Variants in PTPRZ1 observed in about 807,000 individuals in gnomAD.
The protein encoded by PTPRZ1 is protein tyrosine phosphatase receptor type Z1.
PTPRZ1 carries 82 observed loss-of-function variants against 214.1 expected under a neutral mutation model. The observed-to-expected ratio is 0.38, with a 90% CI of 0.32 to 0.46. The LOEUF is 0.46. Ranked by LOEUF, PTPRZ1 falls within the 20% of genes least tolerant of loss-of-function variation. PTPRZ1 has a pLI of 1.00. For missense variants in PTPRZ1, 2,603 were observed against 2,748.7 expected (o/e 0.95, Z 1.19); for synonymous variants, 945 against 987.9 (o/e 0.96, Z 0.81).
At chr7:121,986,306 G>A (rs1403227857) in intron 8 of PTPRZ1, among the ~76,000 whole-genome samples, 1 of 152,182 alleles carries the variant, frequency 6.6e-6, no homozygotes, top group Non-Finnish European at 1.5e-5. Context: ...AGAAAGGAAT[G>A]GAGTCAGTAT....
At chr7:121,953,917 T>TG (rs1275369755) in intron 2 of PTPRZ1, among the ~76,000 whole-genome samples, 1 of 152,198 alleles carries the variant, frequency 6.6e-6, no homozygotes, top group Non-Finnish European at 1.5e-5. Context: ...GAGGAAATGA[T>TG]GCTGTGGCTT....
rs1219588397 is a variant in PTPRZ1, at chr7:121,971,311, A to G, written c.305-1230A>G. On this transcript the variant is annotated intron_variant, in intron 3 of 29. Transcript: ENST00000393386. The stretch of plus-strand genomic sequence containing the variant: ...GGCTTTATAACCAGAGAAAAATGGG[A>G]AGGAGGTATTTCAAGGATAGCCTGA... Among the ~76,000 whole-genome samples, 10 of 152,296 alleles carry G rather than the reference A, an allele frequency of 6.6e-5. No homozygotes were observed. The East Asian group carries it at 1.9e-3, about 29-fold the overall frequency.
At chr7:122,025,936 A>T (rs1216190616) in intron 13 of PTPRZ1, among the ~76,000 whole-genome samples, 1 of 152,110 alleles carries the variant, frequency 6.6e-6, no homozygotes, top group Admixed American at 6.5e-5. Context: ...AAAGTCTAAC[A>T]GGGTGTGGAC....
chr7:121,983,676 G>A lies in PTPRZ1; in HGVS notation c.631G>A (p.Ala211Thr). The part of the protein sequence containing the change: ...ESVSRFGKQA[A>T]LDPFILLNLL... ...TTATTCCTTTTTAGGGAAGCAGGCT[G>A]CTTTAGATCCATTCATACTGTTGAA... Residue 211 changes from alanine (A) to threonine (T), a missense_variant, in exon 7 of 30, where the codon GCT becomes ACT. This residue lies in a region of PTPRZ1 where 244 missense variants were observed against 333.2 expected (regional missense o/e 0.73). Transcript: ENST00000393386. 1.9e-6 allele frequency: 3 copies of A among 1,612,378 alleles called. No individual in the cohort carries two copies. The highest frequency in any genetic ancestry group is 2.5e-6 in the Non-Finnish European group (3 of 1,179,440).
intron 2 of PTPRZ1, 64 bp downstream of exon 2, chr7:121,928,285 T>C (rs1221860402): frequency 7.9e-7 from 1 of 1,267,724 alleles, no homozygotes; most frequent in African/African-American, 1.5e-5. Flanking sequence ...TCTATTTTTA[T>C]ATATAAAAGG....
rs146755280 is a variant in PTPRZ1, at chr7:121,996,535, A to C, written c.1082A>C (p.His361Pro). Residue 361 changes from histidine to proline, a missense_variant, in exon 9 of 30, where the codon CAT (histidine) becomes CCT (proline). Physicochemically the swap from His to Pro is moderately conservative, Grantham distance 77. Transcript: ENST00000393386. ...QQLDGEDQTK[H>P]EFLTDGYQDL... ...TTGGATGGAGAGGACCAAACCAAGC[A>C]TGAATTTTTGACAGATGGCTATCAA... 2 of 1,612,064 alleles carry C rather than the reference A, an allele frequency of 1.2e-6. No individual in the cohort carries two copies. The highest frequency in any genetic ancestry group is 1.7e-6 in the Non-Finnish European group (2 of 1,178,878).
intron 2 of PTPRZ1, among the ~76,000 whole-genome samples, chr7:121,959,289 G>A (rs1796805807): frequency 6.6e-6 from 1 of 152,156 alleles, no homozygotes; most frequent in African/African-American, 2.4e-5. Flanking sequence ...TGTCCCATTA[G>A]TACAGAAAAC....
In PTPRZ1 at chr7:122,025,874, G is replaced by T. The variant is rs986792322; in HGVS notation, c.4989-2678G>T. On this transcript the variant is annotated intron_variant, in intron 13 of 29. Coordinates refer to ENST00000393386, the MANE Select transcript of PTPRZ1 (RefSeq NM_002851.3). Reference sequence around the variant, plus strand: ...TACTGAGTCAGGAGAGAAAAGGCAGGTTTATTTATCTACAATGTGATTATA... The same window carrying T: ...TACTGAGTCAGGAGAGAAAAGGCAGTTTTATTTATCTACAATGTGATTATA... Among the ~76,000 whole-genome samples the T allele has an allele frequency of 8.5e-5, 13 of 152,284 alleles. No individual in the cohort carries two copies. The South Asian group carries it at 2.1e-3, about 24-fold the overall frequency.
chr7:122,043,501 T>C (rs1168229522), intron 22 of PTPRZ1, among the ~76,000 whole-genome samples: 1 of 152,230 alleles, frequency 6.6e-6, no homozygotes, highest in Non-Finnish European at 1.5e-5. Context: ...CAAATCTGCA[T>C]TTTATCTTCA....
At chr7:122,038,955 T>C (rs937787840) in intron 19 of PTPRZ1, 66 bp downstream of exon 19, 1 of 1,566,128 alleles carries the variant, frequency 6.4e-7, no homozygotes, top group East Asian at 2.2e-5. Flanking sequence ...TTAGTTTTAA[T>C]AGAGTCAGCA....
chr7:121,878,692 C>T (rs1794139327), intron 1 of PTPRZ1, among the ~76,000 whole-genome samples: 1 of 152,132 alleles, frequency 6.6e-6, no homozygotes, highest in African/African-American at 2.4e-5. Flanking sequence ...ATTTATCTGT[C>T]TCCTTGACTC....
chr7:121,908,372 T>A, intron 1 of PTPRZ1: 1 of 313,184 alleles, frequency 3.2e-6, no homozygotes, highest in Non-Finnish European at 6.1e-6. Flanking sequence ...TGGAAAAGAA[T>A]ATCAACTATA....
intron 10 of PTPRZ1, among the ~76,000 whole-genome samples, chr7:122,003,281 A>C (rs1798381730): frequency 6.6e-6 from 1 of 152,182 alleles, no homozygotes; most frequent in Admixed American, 6.6e-5. Context: ...ATTAAAAGTA[A>C]GATTGTGATT....
At chr7:122,034,226 A>G (rs1271199102) in intron 16 of PTPRZ1, 56 bp from the exon 17 acceptor site, 3 of 1,577,764 alleles carry the variant, frequency 1.9e-6, no homozygotes, top group Non-Finnish European at 2.6e-6. Context: ...TTATATTTTA[A>G]GGCACGTTGT....
At chr7:121,998,637 A>T (rs1027521216) in intron 10 of PTPRZ1, among the ~76,000 whole-genome samples, 1 of 152,144 alleles carries the variant, frequency 6.6e-6, no homozygotes, top group Admixed American at 6.6e-5. Flanking sequence ...GAGCATATGC[A>T]ATAACTGAAT....
At chr7:121,948,009 A>G (rs552585566) in intron 2 of PTPRZ1, among the ~76,000 whole-genome samples, 1 of 152,194 alleles carries the variant, frequency 6.6e-6, no homozygotes. Flanking sequence ...TGTGAAATGC[A>G]TTTTGCTGTT....
At chr7:121,891,204 C>T (rs1794595097) in intron 1 of PTPRZ1, among the ~76,000 whole-genome samples, 1 of 152,036 alleles carries the variant, frequency 6.6e-6, no homozygotes, top group Non-Finnish European at 1.5e-5. Flanking sequence ...GAGGACTTCC[C>T]TGGACACACT....
chr7:121,882,745 G>A (rs944252852), intron 1 of PTPRZ1, among the ~76,000 whole-genome samples: 3 of 152,056 alleles, frequency 2.0e-5, no homozygotes, highest in Non-Finnish European at 4.4e-5. Context: ...CAGGAAGCTT[G>A]GTTAAAAGCC....
At chr7:122,046,531 G>A (rs1221479117) in intron 23 of PTPRZ1, among the ~76,000 whole-genome samples, 14 of 152,140 alleles carry the variant, frequency 9.2e-5, no homozygotes, top group African/African-American at 1.9e-4. Flanking sequence ...GGAGAATTGC[G>A]TAAGATATAT....
Sources: gnomAD v4.1 joint callset for allele counts (sites outside exome capture counted in the v4.1 genomes callset) on GRCh38, gnomAD v4.1.1 for gene constraint, gnomAD v4.1.1 regional missense constraint, MANE v1.5 for transcripts, NCBI Gene and HGNC (gene_info 2026-07-23, HGNC 2026-07-21) for gene names.